DEPTOR: variants seen among roughly 807,000 people sequenced by gnomAD.
DEPTOR encodes DEP domain containing MTOR interacting protein.
A neutral mutation model predicts 41.6 loss-of-function variants in DEPTOR; 41 were observed. The observed-to-expected ratio is 0.98, with a 90% CI of 0.77 to 1.28. DEPTOR has a LOEUF of 1.28. Among genes scored for constraint, DEPTOR ranks in the 50% most tolerant of loss-of-function variants. The probability of loss-of-function intolerance (pLI) is 0.00; values close to 1 mark genes in which losing one functional copy is unlikely to be tolerated. For synonymous variants in DEPTOR, 195 were observed against 192.3 expected (o/e 1.01, Z -0.12); for missense variants, 514 against 527.9 (o/e 0.97, Z 0.26).
chr8:119,942,371 A>G (rs998767311), intron 3 of DEPTOR, among the ~76,000 whole-genome samples: 3 of 152,010 alleles, frequency 2.0e-5, no homozygotes, highest in Non-Finnish European at 4.4e-5. Flanking sequence ...ACGCCTGGCT[A>G]ATTTTTGTAT....
intron 1 of DEPTOR, among the ~76,000 whole-genome samples, chr8:119,900,380 CTTTTTTTT>C (rs377443807): frequency 2.3e-5 from 1 of 43,918 alleles, no homozygotes; most frequent in African/African-American, 1.2e-4. Context: ...CACCCCTCAC[CTTTTTTTT>C]TTTTTTTTTT....
intron 1 of DEPTOR, among the ~76,000 whole-genome samples, chr8:119,910,850 G>A (rs532714996): frequency 5.9e-5 from 9 of 152,168 alleles, no homozygotes; most frequent in Non-Finnish European, 8.8e-5. Context: ...ATTTGACTAC[G>A]TGAGTTAATG....
intron 1 of DEPTOR, among the ~76,000 whole-genome samples, chr8:119,924,655 A>T (rs9987135): frequency 0.28 from 42,633 of 151,824 alleles, 6,361 homozygotes; most frequent in Middle Eastern, 0.39. Context: ...CTATCGGTAA[A>T]ACAGGCCTAA....
At chr8:119,929,249 T>C (rs1828009179) in intron 2 of DEPTOR, among the ~76,000 whole-genome samples, 1 of 152,182 alleles carries the variant, frequency 6.6e-6, no homozygotes, top group African/African-American at 2.4e-5. Context: ...TCTCTTGGAA[T>C]ACCCTTTCGC....
chr8:120,017,209 A>G (rs187827482), intron 8 of DEPTOR, among the ~76,000 whole-genome samples: 2 of 152,298 alleles, frequency 1.3e-5, no homozygotes, highest in African/African-American at 2.4e-5. Flanking sequence ...TTGTGTCCCT[A>G]TGATCTCTCA....
chr8:119,901,550 C>T (rs574694745), intron 1 of DEPTOR, among the ~76,000 whole-genome samples: 208 of 152,108 alleles, frequency 1.4e-3, no homozygotes, highest in Admixed American at 5.0e-3. Context: ...GTGGCATGTG[C>T]CTATAGTCCC....
intron 1 of DEPTOR, among the ~76,000 whole-genome samples, chr8:119,915,973 A>G (rs1827806609): frequency 6.6e-6 from 1 of 150,936 alleles, no homozygotes; most frequent in Non-Finnish European, 1.5e-5. Flanking sequence ...AAAAAGCTGA[A>G]ATGCTACTTA....
intron 4 of DEPTOR, among the ~76,000 whole-genome samples, chr8:119,994,660 G>A (rs1397860595): frequency 1.3e-5 from 2 of 152,178 alleles, no homozygotes; most frequent in African/African-American, 4.8e-5. Flanking sequence ...GCTCACACCT[G>A]TAATGCCAGT....
chr8:120,034,388 A>G (rs1227384773), intron 8 of DEPTOR, among the ~76,000 whole-genome samples: 5 of 151,562 alleles, frequency 3.3e-5, no homozygotes, highest in South Asian at 4.2e-4. Context: ...CAGGTTAGAT[A>G]ATGTCACCAA....
chr8:119,889,638 A>AGGGGAGGGGAGGATGGGGG (rs1827423915), intron 1 of DEPTOR, among the ~76,000 whole-genome samples: 2 of 31,846 alleles, frequency 6.3e-5, no homozygotes, highest in African/African-American at 2.6e-4. Context: ...AGGGAAGGGG[A>AGGGGAGGGGAGGATGGGGG]GGGGAGGGGA....
intron 1 of DEPTOR, among the ~76,000 whole-genome samples, chr8:119,880,406 G>A (rs115217057): frequency 0.019 from 2,832 of 152,098 alleles, 89 homozygotes; most frequent in African/African-American, 0.064. Flanking sequence ...TAAACCAACA[G>A]GCCATAGATT....
chr8:119,980,560 C>T (rs1255344129), intron 4 of DEPTOR, among the ~76,000 whole-genome samples: 2 of 140,342 alleles, frequency 1.4e-5, no homozygotes, highest in Non-Finnish European at 3.0e-5. Flanking sequence ...TCTTGTTGCC[C>T]AGGCTGGAGT....
At chr8:119,920,999 C>T (rs1827885460) in intron 1 of DEPTOR, among the ~76,000 whole-genome samples, 2 of 136,812 alleles carry the variant, frequency 1.5e-5, no homozygotes, top group Non-Finnish European at 3.1e-5. Context: ...TTTTTTGAGA[C>T]AGGGTCTTGC....
At chr8:119,924,396 A>T (rs1827937639) in intron 1 of DEPTOR, among the ~76,000 whole-genome samples, 1 of 152,150 alleles carries the variant, frequency 6.6e-6, no homozygotes. Flanking sequence ...CAGAAAACTC[A>T]GTTATTTATG....
intron 6 of DEPTOR, among the ~76,000 whole-genome samples, chr8:120,004,591 A>C (rs1461265310): frequency 6.6e-6 from 1 of 152,198 alleles, no homozygotes; most frequent in Non-Finnish European, 1.5e-5. Context: ...TGAAATTAGC[A>C]ACAAAATCCA....
chr8:119,928,674 AT>A, intron 2 of DEPTOR, 96 bp downstream of exon 2: 1 of 1,347,012 alleles, frequency 7.4e-7, no homozygotes, highest in Non-Finnish European at 9.9e-7. Flanking sequence ...ATTTTGCTTT[AT>A]TTTATCTCCA....
At chr8:120,004,277 G>C (rs1812400784) in intron 6 of DEPTOR, among the ~76,000 whole-genome samples, 1 of 152,078 alleles carries the variant, frequency 6.6e-6, no homozygotes, top group African/African-American at 2.4e-5. Context: ...CTGCCTTCTG[G>C]AGTGTTAGCA....
intron 3 of DEPTOR, among the ~76,000 whole-genome samples, chr8:119,930,953 T>A (rs1182377043): frequency 6.6e-6 from 1 of 152,162 alleles, no homozygotes; most frequent in Non-Finnish European, 1.5e-5. Context: ...GGCTTATGCC[T>A]GTAATCCTAG....
chr8:119,972,622 C>CAAAA (rs59750717), intron 4 of DEPTOR, among the ~76,000 whole-genome samples: 4 of 138,334 alleles, frequency 2.9e-5, no homozygotes, highest in Non-Finnish European at 3.1e-5. Flanking sequence ...GACTCTGTCT[C>CAAAA]AAAAAAAAAA....
Sources: gnomAD v4.1 joint callset for allele counts (sites outside exome capture counted in the v4.1 genomes callset) on GRCh38, gnomAD v4.1.1 for gene constraint, MANE v1.5 for transcripts, NCBI Gene and HGNC (gene_info 2026-07-23, HGNC 2026-07-21) for gene names.